The following CAV2 variants were observed in gnomAD, a reference collection of about 807,000 sequenced individuals.
CAV2 encodes caveolin-2.
CAV2 carries 7 observed loss-of-function variants against 15.5 expected under a neutral mutation model. The observed-to-expected ratio is 0.45, with a 90% CI of 0.26 to 0.85. The LOEUF (loss-of-function observed/expected upper bound fraction) is 0.85. Among genes scored for constraint, CAV2 ranks in the 40% least tolerant of loss-of-function variants. CAV2 has a pLI of 0.18. For missense variants in CAV2, 229 were observed against 208.8 expected (o/e 1.10, Z -0.60); for synonymous variants, 76 against 83.1 (o/e 0.91, Z 0.46).
At position 116,507,161 on chromosome 7, in the gene CAV2, G is replaced by A. The variant is rs1793256602; in HGVS notation, c.*1040G>A. On this transcript the variant is annotated 3_prime_UTR_variant, in exon 3 of 3. Transcript: ENST00000222693. ...ACATTTTACAGTAAATGTTACTTCT[G>A]ATACTTTAGTACAATTTCAACTACA... is the stretch of plus-strand genomic sequence containing the variant. 1 of 152,582 alleles carries A rather than the reference G, an allele frequency of 6.6e-6. No individual in the cohort carries two copies. Among genetic ancestry groups the A allele is most frequent in the Non-Finnish European group, 1.5e-5 (1 of 68,030 alleles). 9.5% of individuals were successfully genotyped at this position (152,582 alleles called of 1,614,324 possible). A position where few individuals can be genotyped will look rare whatever the true frequency, so the allele number is the denominator to read the frequency against.
rs1362053941 is a variant in CAV2 at position 116,506,038 on chromosome 7, G to T, written c.406G>T (p.Val136Leu). The change falls in exon 3 of 3, where the codon GTG becomes TTG. Residue 136 changes from valine to leucine, a missense_variant. Coordinates refer to ENST00000222693, the MANE Select transcript of CAV2 (RefSeq NM_001233.5). ...LPSVQTIWKS[V>L]TDVIIAPLCT... is the part of the protein sequence containing the mutation. ...TTCAGTGCAGACAATATGGAAGAGT[G>T]TGACAGATGTTATCATTGCTCCATT... The T allele has an allele frequency of 6.2e-7, 1 of 1,613,806 alleles. No homozygotes were observed. The highest frequency in any genetic ancestry group is 2.2e-5 in the East Asian group (1 of 44,880).
At chr7:116,505,160 A>T (rs1422258266) in intron 2 of CAV2, among the ~76,000 whole-genome samples, 1 of 152,234 alleles carries the variant, frequency 6.6e-6, no homozygotes, top group Non-Finnish European at 1.5e-5. Flanking sequence ...TATCCGATCT[A>T]GCCTGGTCCA....
Position 116,499,849 on chromosome 7 carries a change from G to C in CAV2, c.68G>C (p.Ser23Thr). ...FMDDDSYSHH[S>T]GLEYADPEKF... The stretch of plus-strand genomic sequence containing the variant: ...GACGACGACTCCTACAGCCACCACA[G>C]CGGCCTCGAGTACGCCGACCCCGAG... Residue 23 changes from serine (S) to threonine (T), a missense_variant, in exon 1 of 3, where the codon AGC becomes ACC. By Grantham distance (58) the Ser-to-Thr change is moderately conservative. Coordinates refer to ENST00000222693, the MANE Select transcript of CAV2 (RefSeq NM_001233.5). The C allele has an allele frequency of 6.2e-7, 1 of 1,608,670 alleles. No individual in the cohort carries two copies. Among genetic ancestry groups the C allele is most frequent in the Non-Finnish European group, 8.5e-7 (1 of 1,178,412 alleles).
chr7:116,503,293 A>G (rs1051787007), intron 2 of CAV2, among the ~76,000 whole-genome samples: 1 of 152,008 alleles, frequency 6.6e-6, no homozygotes, highest in African/African-American at 2.4e-5. Context: ...TGAGAACCCA[A>G]CTTAAGTTTG....
intron 2 of CAV2, among the ~76,000 whole-genome samples, chr7:116,502,208 T>C (rs1793120739): frequency 6.6e-6 from 1 of 152,204 alleles, no homozygotes; most frequent in South Asian, 2.1e-4. Context: ...TGGAAAGATA[T>C]AAGTAAAACT....
At chr7:116,503,076 C>T (rs1400327307) in intron 2 of CAV2, among the ~76,000 whole-genome samples, 1 of 151,726 alleles carries the variant, frequency 6.6e-6, no homozygotes, top group Non-Finnish European at 1.5e-5. Flanking sequence ...ACAATTACTA[C>T]AACACTAAAT....
At chr7:116,505,586 G>A (rs1285050082) in intron 2 of CAV2, among the ~76,000 whole-genome samples, 3 of 152,138 alleles carry the variant, frequency 2.0e-5, no homozygotes, top group Non-Finnish European at 4.4e-5. Context: ...GAGCAGGCAC[G>A]TCACATGGCA....
rs758192084 is a variant in CAV2, at chr7:116,500,409, G to A, written c.300G>A (p.Ala100=). The A allele has an allele frequency of 1.9e-6, 3 of 1,613,994 alleles. No homozygotes were observed. Among genetic ancestry groups the A allele is most frequent in the Non-Finnish European group, 1.7e-6 (2 of 1,179,992 alleles). ...TGGCCATTCCCCTGGCCTTCATTGCGGGAATTCTCTTTGCCACCCTCAGCT... is the reference window on the plus strand; with the variant it reads ...TGGCCATTCCCCTGGCCTTCATTGCAGGAATTCTCTTTGCCACCCTCAGCT... ...VFLAIPLAFI[A]GILFATLSCL... The change falls in exon 2 of 3, where the codon GCG becomes GCA. Residue 100 remains alanine (A), a synonymous_variant. Transcript: ENST00000222693.
In CAV2 at chr7:116,505,981, C is replaced by T. The variant is rs757765509; in HGVS notation, c.349C>T (p.Pro117Ser). 1.1e-5 allele frequency: 17 copies of T among 1,611,032 alleles called. No individual in the cohort carries two copies. The highest frequency in any genetic ancestry group is 1.7e-5 in the Admixed American group (1 of 59,710). Reference protein sequence around the residue: ...LSCLHIWILMPFVKTCLMVLP... With the variant: ...LSCLHIWILMSFVKTCLMVLP... ...CTTCCTTCCTTCCAGGATTTTAATG[C>T]CTTTTGTAAAGACCTGCCTAATGGT... The change falls in exon 3 of 3, where the codon CCT (proline) becomes TCT (serine). Residue 117 changes from proline to serine, a missense_variant. Pro to Ser is a moderately conservative substitution (Grantham distance 74). Transcript: ENST00000222693.
chr7:116,505,456 A>G (rs1248714795), intron 2 of CAV2, among the ~76,000 whole-genome samples: 6 of 152,212 alleles, frequency 3.9e-5, no homozygotes, highest in Non-Finnish European at 8.8e-5. Context: ...TAGGTTATTT[A>G]TAAAGAAAAG....
At chr7:116,500,152 G>T (rs1410325815) in intron 1 of CAV2, 108 bp from the exon 2 acceptor site, 1 of 1,509,636 alleles carries the variant, frequency 6.6e-7, no homozygotes, top group East Asian at 2.3e-5. Context: ...AGAAGAGGCG[G>T]ACGCCCTGGC....
At chr7:116,501,052 GATA>G (rs1793092999) in intron 2 of CAV2, 1 of 152,174 alleles carries the variant, frequency 6.6e-6, no homozygotes, top group Admixed American at 6.5e-5. Flanking sequence ...CCAGCTGCGG[GATA>G]ATGAATGAGA....
chr7:116,502,421 A>G (rs1793125406), intron 2 of CAV2, among the ~76,000 whole-genome samples: 1 of 152,194 alleles, frequency 6.6e-6, no homozygotes, highest in Non-Finnish European at 1.5e-5. Flanking sequence ...ATTTGTCACC[A>G]GGCAGCTGTG....
chr7:116,506,084 G>A lies in CAV2; in HGVS notation c.452G>A (p.Cys151Tyr), dbSNP rs1171200240. The A allele has an allele frequency of 5.6e-6, 9 of 1,613,966 alleles. No individual in the cohort carries two copies. Among genetic ancestry groups the A allele is most frequent in the Non-Finnish European group, 7.6e-6 (9 of 1,179,962 alleles). ...CCATTGTGTACGAGCGTAGGACGAT[G>A]CTTCTCTTCTGTCAGCCTGCAACTG... Reference protein sequence around the residue: ...IAPLCTSVGRCFSSVSLQLSQ... With the variant: ...IAPLCTSVGRYFSSVSLQLSQ... The change falls in exon 3 of 3, where the codon TGC becomes TAC. Residue 151 changes from cysteine (C) to tyrosine (Y), a missense_variant. Physicochemically the swap from Cys to Tyr is radical, Grantham distance 194. Coordinates refer to ENST00000222693, the MANE Select transcript of CAV2 (RefSeq NM_001233.5).
In CAV2 at chr7:116,506,050, A is replaced by G; in HGVS notation, c.418A>G (p.Ile140Val). 1 of 1,613,844 alleles carries G rather than the reference A, an allele frequency of 6.2e-7. No individual in the cohort carries two copies. The highest frequency in any genetic ancestry group is 8.5e-7 in the Non-Finnish European group (1 of 1,179,714). The change falls in exon 3 of 3, where the codon ATC (isoleucine) becomes GTC (valine). Residue 140 changes from isoleucine to valine, a missense_variant. Physicochemically the swap from Ile to Val is conservative, Grantham distance 29. Transcript: ENST00000222693. ...AATATGGAAGAGTGTGACAGATGTT[A>G]TCATTGCTCCATTGTGTACGAGCGT... ...QTIWKSVTDV[I>V]IAPLCTSVGR... is the part of the protein sequence containing the mutation.
Position 116,506,162 on chromosome 7 carries a change from C to T in CAV2, c.*41C>T, listed in dbSNP as rs767470181. 5 of 1,600,786 alleles carry T rather than the reference C, an allele frequency of 3.1e-6. No individual in the cohort carries two copies. The highest frequency in any genetic ancestry group is 4.5e-5 in the East Asian group (2 of 44,792). On this transcript the variant is annotated 3_prime_UTR_variant, in exon 3 of 3. Transcript: ENST00000222693. ...GTCTGGAGATTGGGATACTGTAATA[C>T]TTCTTTGTTATTATAACATAAAAGC... is the stretch of plus-strand genomic sequence containing the variant.
intron 2 of CAV2, among the ~76,000 whole-genome samples, chr7:116,504,781 A>G (rs964908784): frequency 1.3e-4 from 20 of 152,208 alleles, no homozygotes; most frequent in Non-Finnish European, 2.8e-4. Context: ...TGAGGACTAT[A>G]AGGATATGCA....
chr7:116,500,004 A>T (rs1267679466), intron 1 of CAV2, 73 bp downstream of exon 1: 1 of 1,550,992 alleles, frequency 6.4e-7, no homozygotes, highest in Non-Finnish European at 8.7e-7. Flanking sequence ...GCCCCGCCCT[A>T]ACCCGTCCCA....
Position 116,506,146 on chromosome 7 carries a change from T to C in CAV2, c.*25T>C, listed in dbSNP as rs1372555809. ...AATACTTGGACCCCAGGTCTGGAGA[T>C]TGGGATACTGTAATACTTCTTTGTT... On this transcript the variant is annotated 3_prime_UTR_variant, in exon 3 of 3. Transcript: ENST00000222693. 1.6e-5 allele frequency: 26 copies of C among 1,612,232 alleles called. No homozygotes were observed. The highest frequency in any genetic ancestry group is 1.7e-4 in the Middle Eastern group (1 of 6,054).
Sources: gnomAD v4.1 joint callset for allele counts (sites outside exome capture counted in the v4.1 genomes callset) on GRCh38, gnomAD v4.1.1 for gene constraint, MANE v1.5 for transcripts, NCBI Gene and HGNC (gene_info 2026-07-23, HGNC 2026-07-21) for gene names.